SRI: variants seen among roughly 807,000 people sequenced by gnomAD.
SRI encodes sorcin.
SRI carries 30 observed loss-of-function variants against 33.3 expected under a neutral mutation model. The ratio of observed to expected loss-of-function variants is 0.90; its 90% CI spans 0.67 to 1.22. The LOEUF (loss-of-function observed/expected upper bound fraction) is 1.22. SRI is among the 50% of genes most tolerant of loss of function. The pLI is 0.00. For missense variants in SRI, 243 were observed against 250.8 expected (o/e 0.97, Z 0.21); for synonymous variants, 75 against 89.9 (o/e 0.83, Z 0.94).
At chr7:88,215,691 CAA>C (rs1387690088) in intron 3 of SRI, among the ~76,000 whole-genome samples, 3 of 151,994 alleles carry the variant, frequency 2.0e-5, no homozygotes, top group African/African-American at 7.2e-5. Flanking sequence ...AAAACAAATG[CAA>C]AGAGTTCAAA....
At chr7:88,208,964 C>T (rs1851501626) in intron 6 of SRI, 4 of 265,524 alleles carry the variant, frequency 1.5e-5, no homozygotes, top group Middle Eastern at 1.4e-3. Flanking sequence ...GGGCTGTAAT[C>T]AGTTTCTCTA....
At chr7:88,221,622 G>C (rs966072075), upstream of SRI, among the ~76,000 whole-genome samples, 1 of 152,188 alleles carries the variant, frequency 6.6e-6, no homozygotes, top group East Asian at 1.9e-4. Context: ...GTGGATAAAC[G>C]GCTATACGAA....
At chr7:88,214,893 C>A in intron 3 of SRI, 1 of 1,091,448 alleles carries the variant, frequency 9.2e-7, no homozygotes, top group African/African-American at 1.6e-5. Context: ...AGAAGGAAAG[C>A]CCTACCTCCA....
chr7:88,224,762 A>C (rs541942519), upstream of SRI, among the ~76,000 whole-genome samples: 11 of 152,324 alleles, frequency 7.2e-5, no homozygotes, highest in African/African-American at 2.2e-4. Flanking sequence ...TAGTGCTTGC[A>C]TGTAGAGTTT....
intron 3 of SRI, among the ~76,000 whole-genome samples, chr7:88,211,616 C>T (rs1851581521): frequency 6.6e-6 from 1 of 152,088 alleles, no homozygotes; most frequent in South Asian, 2.1e-4. Flanking sequence ...CTATAAATTG[C>T]TGGTTTTGCT....
chr7:88,223,059 A>G (rs1046922832), upstream of SRI, among the ~76,000 whole-genome samples: 3 of 152,126 alleles, frequency 2.0e-5, no homozygotes, highest in Admixed American at 6.5e-5. Flanking sequence ...CAGAGTGAAC[A>G]GGCAACCTAC....
intron 1 of SRI, among the ~76,000 whole-genome samples, chr7:88,225,168 T>C (rs1179475493): frequency 1.3e-5 from 2 of 152,226 alleles, no homozygotes; most frequent in African/African-American, 2.4e-5. Flanking sequence ...AGATTCTCAC[T>C]GACCTGTTCC....
intron 1 of SRI, among the ~76,000 whole-genome samples, chr7:88,226,723 C>G (rs925829308): frequency 6.6e-6 from 1 of 152,192 alleles, no homozygotes; most frequent in East Asian, 1.9e-4. Context: ...TTACTTGCCT[C>G]TTTTCCATAG....
intron 3 of SRI, among the ~76,000 whole-genome samples, chr7:88,212,762 G>A (rs956103323): frequency 1.3e-5 from 2 of 152,190 alleles, no homozygotes; most frequent in Non-Finnish European, 2.9e-5. Context: ...ACCTGAACCA[G>A]CATCACATGG....
chr7:88,216,937 C>G (rs113803726), intron 3 of SRI, among the ~76,000 whole-genome samples, 185 bp downstream of exon 3: 6 of 152,152 alleles, frequency 3.9e-5, no homozygotes, highest in African/African-American at 1.4e-4. Context: ...CTGTGCCCAG[C>G]CTGGAGTGAT....
At chr7:88,206,655 G>C in intron 7 of SRI, 151 bp from the exon 8 acceptor site, 1 of 813,600 alleles carries the variant, frequency 1.2e-6, no homozygotes, top group Non-Finnish European at 1.9e-6. Context: ...AGATGGAAAA[G>C]TTTCCTTTTT....
chr7:88,215,679 T>C (rs1851692021), intron 3 of SRI, among the ~76,000 whole-genome samples: 1 of 152,162 alleles, frequency 6.6e-6, no homozygotes, highest in South Asian at 2.1e-4. Context: ...CAAAGGATAA[T>C]GAAAACAAAT....
chr7:88,220,111 C>T, upstream of SRI: 1 of 1,387,584 alleles, frequency 7.2e-7, no homozygotes. Flanking sequence ...GCTAGGGGGC[C>T]GCCCCAGAGC....
At chr7:88,208,868 A>G (rs759250462) in intron 6 of SRI, 6 of 375,272 alleles carry the variant, frequency 1.6e-5, no homozygotes, top group African/African-American at 2.0e-5. Flanking sequence ...CCATTACTTC[A>G]TTGTGATAAA....
At chr7:88,218,134 G>A (rs1851778841) in intron 2 of SRI, among the ~76,000 whole-genome samples, 1 of 152,212 alleles carries the variant, frequency 6.6e-6, no homozygotes, top group Non-Finnish European at 1.5e-5. Context: ...CTCTGGACGT[G>A]TCTGGGTTAT....
intron 5 of SRI, 21 bp from the exon 6 acceptor site, chr7:88,209,473 T>C (rs1219513980): frequency 1.3e-6 from 2 of 1,581,212 alleles, no homozygotes; most frequent in East Asian, 2.2e-5. Flanking sequence ...AGCCATCCAG[T>C]AAAAAGGTTA....
At position 88,210,009 on chromosome 7, in the gene SRI, T is replaced by C. The variant is rs775949199; in HGVS notation, c.371A>G (p.Glu124Gly). The change falls in exon 5 of 8, where the codon GAA (glutamate) becomes GGA (glycine). Residue 124 changes from glutamate to glycine, a missense_variant. Glu to Gly is a moderately conservative substitution (Grantham distance 98, BLOSUM62 -2). Transcript: ENST00000265729. ...TDRSGTVDPQ[E>G]LQKALTTMGF... ...CATTGTTGTCAGGGCCTTCTGCAATTCTTGTGGGTCTACTGTTCCACTCCT... is the reference window on the plus strand; with the variant it reads ...CATTGTTGTCAGGGCCTTCTGCAATCCTTGTGGGTCTACTGTTCCACTCCT... The C allele has an allele frequency of 4.3e-6, 7 of 1,614,044 alleles. No homozygotes were observed. In the African/African-American group the frequency reaches 9.3e-5, roughly 22 times the overall value.
chr7:88,213,820 C>T (rs1402466079), intron 3 of SRI, among the ~76,000 whole-genome samples: 4 of 152,174 alleles, frequency 2.6e-5, no homozygotes, highest in Non-Finnish European at 5.9e-5. Flanking sequence ...CTAATCTTTA[C>T]TAATGCTCAA....
At chr7:88,218,969 C>T (rs1851807100) in intron 1 of SRI, 27 bp from the exon 2 acceptor site, 2 of 1,602,150 alleles carry the variant, frequency 1.2e-6, no homozygotes, top group Non-Finnish European at 1.7e-6. Flanking sequence ...ACATACACGT[C>T]ATTCTGCCGA....
Sources: gnomAD v4.1 joint callset for allele counts (sites outside exome capture counted in the v4.1 genomes callset) on GRCh38, gnomAD v4.1.1 for gene constraint, MANE v1.5 for transcripts, NCBI Gene and HGNC (gene_info 2026-07-23, HGNC 2026-07-21) for gene names.